ADAMTS18: variants seen among roughly 807,000 people sequenced by gnomAD.
ADAMTS18 encodes the protein A disintegrin and metalloproteinase with thrombospondin motifs 18.
In ADAMTS18, 157 loss-of-function variants were observed where a neutral mutation model predicts 165.9. That is an observed-to-expected ratio of 0.95 (90% CI 0.83 to 1.08). The LOEUF (loss-of-function observed/expected upper bound fraction) is 1.08. Among genes scored for constraint, ADAMTS18 ranks in the 50% least tolerant of loss-of-function variants. The pLI, the probability that ADAMTS18 is intolerant of heterozygous loss-of-function variation, is 0.00. For synonymous variants in ADAMTS18, 782 were observed against 578.2 expected, an observed-to-expected ratio of 1.35 and a Z score of -5.06; for missense variants, 2,040 against 1,534.0, an observed-to-expected ratio of 1.33 and a Z score of -5.51.
chr16:77,409,550 A>G (rs1181944274), intron 3 of ADAMTS18, among the ~76,000 whole-genome samples: 1 of 152,182 alleles, frequency 6.6e-6, no homozygotes, highest in Non-Finnish European at 1.5e-5. Flanking sequence ...ACAGATTTAC[A>G]ATGGAGAACT....
At chr16:77,338,948 C>A in intron 11 of ADAMTS18, among the ~76,000 whole-genome samples, 1 of 109,512 alleles carries the variant, frequency 9.1e-6, no homozygotes, top group Non-Finnish European at 1.8e-5. Context: ...AGCAAGACTC[C>A]ATCTCAAAAA....
At chr16:77,313,115 T>TA (rs139972134) in intron 16 of ADAMTS18, among the ~76,000 whole-genome samples, 136,602 of 151,862 alleles carry the variant, frequency 0.9, 61,389 homozygotes, top group East Asian at 0.94. Flanking sequence ...TATGCAGCCA[T>TA]AAAAAATGTT....
At chr16:77,335,668 T>C (rs1235300223) in intron 12 of ADAMTS18, 88 bp downstream of exon 12, 1 of 1,504,952 alleles carries the variant, frequency 6.6e-7, no homozygotes, top group Non-Finnish European at 9.2e-7. Flanking sequence ...AATAAAAAAA[T>C]AAACTTAAAG....
At chr16:77,417,744 A>G (rs1215774062) in intron 3 of ADAMTS18, among the ~76,000 whole-genome samples, 2 of 152,250 alleles carry the variant, frequency 1.3e-5, no homozygotes, top group Non-Finnish European at 2.9e-5. Context: ...TTAAAGTATA[A>G]TAATAATCAT....
At position 77,384,012 on chromosome 16, in the gene ADAMTS18, G is replaced by A. The variant is rs552180467; in HGVS notation, c.496-16289C>T. ...TGACATGAGAGTGCCACACGCAGCT[G>A]TTTCCTTCTGTGTTTACTGTTCATC... On this transcript the variant is annotated intron_variant, in intron 3 of 22. Transcript: ENST00000282849. Among the ~76,000 whole-genome samples the A allele has an allele frequency of 5.4e-4, 82 of 152,194 alleles. 1 individual carries two copies. In the South Asian group the frequency reaches 0.015, roughly 27 times the overall value.
At chr16:77,322,175 A>G (rs1340348257) in intron 14 of ADAMTS18, among the ~76,000 whole-genome samples, 161 bp downstream of exon 14, 1 of 151,104 alleles carries the variant, frequency 6.6e-6, no homozygotes, top group East Asian at 1.9e-4. Context: ...AAAAAAAAAA[A>G]AAAGATATGG....
intron 11 of ADAMTS18, among the ~76,000 whole-genome samples, 189 bp from the exon 12 acceptor site, chr16:77,336,093 TG>T (rs1189849022): frequency 6.6e-6 from 1 of 152,220 alleles, no homozygotes; most frequent in African/African-American, 2.4e-5. Flanking sequence ...ACATCCATTT[TG>T]AAAGGCTGAC....
intron 3 of ADAMTS18, among the ~76,000 whole-genome samples, chr16:77,381,372 G>C (rs2057027737): frequency 6.6e-6 from 1 of 152,286 alleles, no homozygotes; most frequent in African/African-American, 2.4e-5. Context: ...TTTTGGGCTG[G>C]CATAATGGCA....
At chr16:77,416,132 C>T (rs2144838501) in intron 3 of ADAMTS18, among the ~76,000 whole-genome samples, 1 of 152,110 alleles carries the variant, frequency 6.6e-6, no homozygotes, top group East Asian at 1.9e-4. Flanking sequence ...TCAGGGAAGA[C>T]CATTCTGGAA....
intron 3 of ADAMTS18, among the ~76,000 whole-genome samples, chr16:77,404,992 C>T (rs141219426): frequency 2.0e-4 from 31 of 152,200 alleles, no homozygotes; most frequent in Admixed American, 7.2e-4. Context: ...GCCCCCAGAG[C>T]GGGGGAATGT....
Position 77,344,155 on chromosome 16 carries a change from G to GTATATATATATATATATATA in ADAMTS18, c.1615-2376_1615-2357dup, listed in dbSNP as rs150411045. Among the ~76,000 whole-genome samples, 148 of 140,222 alleles carry GTATATATATATATATATATA rather than the reference G, an allele frequency of 1.1e-3. 1 individual carries two copies. Among genetic ancestry groups the GTATATATATATATATATATA allele is most frequent in the Non-Finnish European group, 1.9e-3 (127 of 65,320 alleles). 92.0% of individuals were successfully genotyped at this position (140,222 alleles called of 152,430 possible). A position where few individuals can be genotyped will look rare whatever the true frequency, so the allele number is the denominator to read the frequency against. ...CATACATATATATGTATGTGTGTGT[G>GTATATATATATATATATATA]TATATATATATATATATATATACAC... is the stretch of plus-strand genomic sequence containing the variant. On this transcript the variant is annotated intron_variant, in intron 10 of 22. Transcript: ENST00000282849.
intron 3 of ADAMTS18, among the ~76,000 whole-genome samples, chr16:77,406,205 G>C (rs750641805): frequency 2.0e-4 from 31 of 152,180 alleles, no homozygotes; most frequent in Non-Finnish European, 3.5e-4. Context: ...GCCAAAGCTG[G>C]CTTAACATTT....
intron 16 of ADAMTS18, among the ~76,000 whole-genome samples, chr16:77,318,004 G>T (rs557956244): frequency 6.6e-6 from 1 of 152,146 alleles, no homozygotes; most frequent in Non-Finnish European, 1.5e-5. Context: ...GCACTATGTC[G>T]CTTTCCTCAG....
Position 77,325,990 on chromosome 16 carries a change from C to G in ADAMTS18, c.1908G>C (p.Gln636His). 6.2e-7 allele frequency: 1 copy of G among 1,614,036 alleles called. No individual in the cohort carries two copies. The highest frequency in any genetic ancestry group is 8.5e-7 in the Non-Finnish European group (1 of 1,179,968). The part of the protein sequence containing the change: ...LFCPGSSRIY[Q>H]LCNINPCNEN... The stretch of plus-strand genomic sequence containing the variant: ...CATTGCAAGGGTTAATATTGCACAG[C>G]TGATAAATACGGCTAGAACCTGGAC... The change falls in exon 13 of 23, where the codon CAG becomes CAC. Residue 636 changes from glutamine (Q) to histidine (H), a missense_variant. Coordinates refer to ENST00000282849, the MANE Select transcript of ADAMTS18 (RefSeq NM_199355.4).
At chr16:77,289,566 C>G in intron 21 of ADAMTS18, 155 bp from the exon 22 acceptor site, 2 of 828,298 alleles carry the variant, frequency 2.4e-6, no homozygotes, top group Non-Finnish European at 3.9e-6. Context: ...TCCACAGCAT[C>G]TATCCTAACA....
chr16:77,391,503 A>C (rs985500593), intron 3 of ADAMTS18, among the ~76,000 whole-genome samples: 4 of 152,154 alleles, frequency 2.6e-5, no homozygotes, highest in East Asian at 1.9e-4. Flanking sequence ...AAAAAAAAAA[A>C]AACAAGAGGC....
At chr16:77,362,370 A>G in intron 6 of ADAMTS18, 106 bp from the exon 7 acceptor site, 1 of 1,289,778 alleles carries the variant, frequency 7.8e-7, no homozygotes. Flanking sequence ...CTAGGGAAAA[A>G]GATCAGTAAA....
chr16:77,297,557 G>A, intron 17 of ADAMTS18, 142 bp from the exon 18 acceptor site: 1 of 768,922 alleles, frequency 1.3e-6, no homozygotes, highest in Non-Finnish European at 2.1e-6. Flanking sequence ...GCTTCCTTTT[G>A]ATGAAATTTG....
At chr16:77,344,759 G>C (rs527911279) in intron 10 of ADAMTS18, among the ~76,000 whole-genome samples, 1 of 151,918 alleles carries the variant, frequency 6.6e-6, no homozygotes, top group Non-Finnish European at 1.5e-5. Context: ...AAAAAACACA[G>C]GGATTCCAGA....
Sources: gnomAD v4.1 joint callset for allele counts (sites outside exome capture counted in the v4.1 genomes callset) on GRCh38, gnomAD v4.1.1 for gene constraint, MANE v1.5 for transcripts, NCBI Gene and HGNC (gene_info 2026-07-23, HGNC 2026-07-21) for gene names.